GPCPD1: variants seen among roughly 807,000 people sequenced by gnomAD.
GPCPD1 encodes the protein glycerophosphocholine phosphodiesterase 1.
GPCPD1 carries 29 observed loss-of-function variants against 89.2 expected under a neutral mutation model. The observed-to-expected ratio is 0.33, with a 90% CI of 0.24 to 0.44. GPCPD1 has a LOEUF of 0.44. GPCPD1 is among the 20% of genes least tolerant of loss of function. The pLI is 1.00. For synonymous variants in GPCPD1, 258 were observed against 266.3 expected (o/e 0.97, Z 0.30); for missense variants, 594 against 808.9 (o/e 0.73, Z 3.22).
chr20:5,603,720 C>T (rs1275246458), intron 2 of GPCPD1, among the ~76,000 whole-genome samples: 1 of 151,844 alleles, frequency 6.6e-6, no homozygotes, highest in African/African-American at 2.4e-5. Flanking sequence ...CAAGGTTATC[C>T]CAGCCAATTG....
At chr20:5,567,358 A>G (rs755138525) in intron 13 of GPCPD1, 125 bp downstream of exon 13, 11 of 1,170,754 alleles carry the variant, frequency 9.4e-6, no homozygotes, top group Admixed American at 8.5e-5. Context: ...AGAATACCAA[A>G]GCACATAGTC....
chr20:5,604,495 C>T (rs147021662), intron 1 of GPCPD1, 55 bp from the exon 2 acceptor site: 2 of 771,074 alleles, frequency 2.6e-6, no homozygotes, highest in African/African-American at 3.6e-5. Context: ...CTTAGCTAGC[C>T]ACCATCAAGA....
Position 5,557,938 on chromosome 20 carries a change from C to CATCAT in GPCPD1, c.1829+6_1829+7insATGAT. ...TTCCATGAAAATTTTTCATGAAAAA[C>CATCAT]AAATACCTATCATAAATTAGACCAT... is the stretch of plus-strand genomic sequence containing the variant. On this transcript the variant is annotated splice_region_variant and intron_variant, in intron 19 of 19. Transcript: ENST00000379019. The CATCAT allele has an allele frequency of 2.0e-6, 3 of 1,486,560 alleles. No individual in the cohort carries two copies. The highest frequency in any genetic ancestry group is 2.8e-6 in the Non-Finnish European group (3 of 1,083,092). The allele number at this position is 1,486,560 out of a possible 1,614,324, so 92.1% of individuals were successfully genotyped here. A position where few individuals can be genotyped will look rare whatever the true frequency, so the allele number is the denominator to read the frequency against.
chr20:5,586,396 A>G (rs1978923296), intron 4 of GPCPD1, 127 bp from the exon 5 acceptor site: 1 of 594,568 alleles, frequency 1.7e-6, no homozygotes, highest in Non-Finnish European at 3.0e-6. Context: ...CTTATTATCA[A>G]TATTATATGC....
intron 8 of GPCPD1, 99 bp downstream of exon 8, chr20:5,578,281 G>C (rs1199857963): frequency 5.2e-6 from 4 of 771,560 alleles, no homozygotes; most frequent in Admixed American, 2.2e-5. Context: ...TAAAAAGTTA[G>C]CTTTACACAA....
chr20:5,551,270 A>G (rs972483129), intron 19 of GPCPD1, among the ~76,000 whole-genome samples: 1 of 152,202 alleles, frequency 6.6e-6, no homozygotes, highest in African/African-American at 2.4e-5. Flanking sequence ...ATTTAAGCGC[A>G]CACACACAAA....
chr20:5,585,276 C>A (rs1364999685), intron 5 of GPCPD1: 2 of 151,854 alleles, frequency 1.3e-5, no homozygotes, highest in Non-Finnish European at 2.9e-5. Flanking sequence ...TTAAAACATA[C>A]AAAAAGAAAA....
chr20:5,584,065 C>T (rs918600021), intron 6 of GPCPD1, among the ~76,000 whole-genome samples: 4 of 152,136 alleles, frequency 2.6e-5, no homozygotes, highest in African/African-American at 9.7e-5. Flanking sequence ...GCACATTAGA[C>T]GATTTCATTG....
At position 5,556,512 on chromosome 20, in the gene GPCPD1, A is replaced by G. The variant is rs139237321; in HGVS notation, c.1829+1433T>C. On this transcript the variant is annotated intron_variant, in intron 19 of 19. Coordinates refer to ENST00000379019, the MANE Select transcript of GPCPD1 (RefSeq NM_019593.5). Reference sequence around the variant, plus strand: ...AGCCACTGCGCCCGGCCTAAACATAACATTTATATGCACTCGGAACCAAAA... The same window carrying G: ...AGCCACTGCGCCCGGCCTAAACATAGCATTTATATGCACTCGGAACCAAAA... 6.1e-3 allele frequency among the ~76,000 whole-genome samples: 924 copies of G among 152,160 alleles called. 34 individuals are homozygous for G. Among genetic ancestry groups the G allele is most frequent in the Admixed American group, 0.055 (845 of 15,280 alleles).
intron 15 of GPCPD1, among the ~76,000 whole-genome samples, chr20:5,564,747 G>A (rs1986286581): frequency 6.6e-6 from 1 of 152,114 alleles, no homozygotes; most frequent in Non-Finnish European, 1.5e-5. Context: ...TGAGTGAGGT[G>A]GGAGGATCGC....
In GPCPD1 at chr20:5,576,030, T is replaced by C. The variant is rs760288421; in HGVS notation, c.706-52A>G. The C allele has an allele frequency of 8.6e-6, 7 of 818,014 alleles. No homozygotes were observed. The Admixed American group carries it at 1.0e-4, about 12-fold the overall frequency. 50.7% of individuals were successfully genotyped at this position (818,014 alleles called of 1,614,324 possible). A position where few individuals can be genotyped will look rare whatever the true frequency, so the allele number is the denominator to read the frequency against. ...TTAATTTTTAAACTTCTACATTACA[T>C]ACATACATATACACACACACACACA... On this transcript the variant is annotated intron_variant, in intron 8 of 19. Transcript: ENST00000379019.
chr20:5,580,454 G>A (rs1206011698), intron 6 of GPCPD1, among the ~76,000 whole-genome samples: 1 of 152,228 alleles, frequency 6.6e-6, no homozygotes, highest in African/African-American at 2.4e-5. Context: ...GGGCGGGCAT[G>A]GTGGCTCACG....
In GPCPD1 at chr20:5,610,948, C is replaced by T. The variant is rs1245446987; in HGVS notation, c.-135G>A. On this transcript the variant is annotated 5_prime_UTR_variant, in exon 1 of 20. Transcript: ENST00000379019. ...CGCCGTCCGTGCCTCGCCAGCGCTC[C>T]CCCCAGGCGGCCTGCCGCGGCGTCG... 2 of 156 alleles carry T rather than the reference C, an allele frequency of 0.013. No individual in the cohort carries two copies. The highest frequency in any genetic ancestry group is 0.083 in the African/African-American group (2 of 24). The allele number at this position is 156 out of a possible 1,614,324, so 0.0% of individuals were successfully genotyped here. A position where few individuals can be genotyped will look rare whatever the true frequency, so the allele number is the denominator to read the frequency against.
chr20:5,607,152 T>G (rs1042881973), intron 1 of GPCPD1, among the ~76,000 whole-genome samples: 4 of 152,110 alleles, frequency 2.6e-5, no homozygotes, highest in Middle Eastern at 3.2e-3. Flanking sequence ...CTGGGCATGG[T>G]GGTGGGCACC....
intron 6 of GPCPD1, among the ~76,000 whole-genome samples, chr20:5,582,936 T>C (rs1226164142): frequency 6.7e-6 from 1 of 150,178 alleles, no homozygotes; most frequent in Non-Finnish European, 1.5e-5. Flanking sequence ...ATAGCCCTGA[T>C]ACACTGTAAG....
intron 2 of GPCPD1, among the ~76,000 whole-genome samples, chr20:5,603,809 C>A (rs186940390): frequency 6.7e-6 from 1 of 150,180 alleles, no homozygotes; most frequent in Non-Finnish European, 1.5e-5. Context: ...TGCAATGGCA[C>A]GATCTCAGGT....
intron 18 of GPCPD1, among the ~76,000 whole-genome samples, 194 bp downstream of exon 18, chr20:5,558,490 A>G (rs755235106): frequency 6.6e-5 from 10 of 152,224 alleles, no homozygotes; most frequent in Non-Finnish European, 1.3e-4. Context: ...ACGTATGCCT[A>G]TAACAAATTT....
chr20:5,568,800 C>G (rs6116851), intron 12 of GPCPD1, among the ~76,000 whole-genome samples: 1 of 151,930 alleles, frequency 6.6e-6, no homozygotes, highest in Non-Finnish European at 1.5e-5. Flanking sequence ...GCAGTCCTAG[C>G]TACTTAGGAG....
chr20:5,592,734 ACT>A (rs1979417207), intron 4 of GPCPD1, among the ~76,000 whole-genome samples: 1 of 152,316 alleles, frequency 6.6e-6, no homozygotes, highest in Admixed American at 6.5e-5. Flanking sequence ...AAAATGATTA[ACT>A]TTTTTTCTTT....
Sources: allele counts gnomAD v4.1 joint callset (sites outside exome capture counted in the v4.1 genomes callset), GRCh38; gene constraint gnomAD v4.1.1; transcripts MANE v1.5; gene names NCBI Gene and HGNC (gene_info 2026-07-23, HGNC 2026-07-21).